MTERF4: variants seen among roughly 807,000 people sequenced by gnomAD.
MTERF4 encodes the protein transcription termination factor 4, mitochondrial.
A neutral mutation model predicts 22.5 loss-of-function variants in MTERF4; 17 were observed. That is an observed-to-expected ratio of 0.75 (90% confidence interval 0.52 to 1.13). MTERF4 has a LOEUF of 1.13. Among genes scored for constraint, MTERF4 ranks in the 50% most tolerant of loss-of-function variants. MTERF4 has a pLI of 0.00. For missense variants in MTERF4, 420 were observed against 466.8 expected, an observed-to-expected ratio of 0.90 and a Z score of 0.92; for synonymous variants, 165 against 175.3, an observed-to-expected ratio of 0.94 and a Z score of 0.47.
At chr2:241,044,960 G>A in the MTERF4 span, among the ~76,000 whole-genome samples, 2 of 152,192 alleles carry the variant, frequency 1.3e-5, no homozygotes, top group African/African-American at 4.8e-5. Flanking sequence ...TGAATCTTGG[G>A]ACAGCAACTC....
chr2:241,049,774 T>TG, the MTERF4 span: 2 of 1,493,928 alleles, frequency 1.3e-6, no homozygotes. Context: ...CCCGCACAGA[T>TG]GCGGCGTAAG....
chr2:241,056,472 G>C, the MTERF4 span, among the ~76,000 whole-genome samples: 1 of 139,794 alleles, frequency 7.2e-6, no homozygotes, highest in South Asian at 2.3e-4. Flanking sequence ...GGATACAACA[G>C]AAGAAAAAAA....
chr2:241,100,458 T>G (rs1447079488), intron 1 of MTERF4, among the ~76,000 whole-genome samples: 2 of 152,120 alleles, frequency 1.3e-5, no homozygotes, highest in Non-Finnish European at 2.9e-5. Context: ...ACATTTTCTC[T>G]TAGGATTTTC....
chr2:241,063,563 C>T, the MTERF4 span: 5 of 1,532,050 alleles, frequency 3.3e-6, no homozygotes, highest in Non-Finnish European at 4.5e-6. Flanking sequence ...CCAGCAACAC[C>T]CTTGACACCC....
At chr2:241,099,081 CTT>C (rs11343341) in intron 2 of MTERF4, 18,134 of 193,476 alleles carry the variant, frequency 0.094, 869 homozygotes, top group African/African-American at 0.19. Flanking sequence ...TATATAAAAT[CTT>C]TTTTTTTTTT....
chr2:241,050,418 C>T, the MTERF4 span, among the ~76,000 whole-genome samples: 4 of 152,128 alleles, frequency 2.6e-5, no homozygotes, highest in Non-Finnish European at 5.9e-5. Context: ...GGACTCCCAT[C>T]AGTCACCCCC....
At chr2:241,055,696 T>G in the MTERF4 span, among the ~76,000 whole-genome samples, 1 of 152,236 alleles carries the variant, frequency 6.6e-6, no homozygotes. Flanking sequence ...AAGCCACAGA[T>G]GCAGAGAGTA....
downstream of MTERF4, chr2:241,089,944 A>C: frequency 6.5e-7 from 1 of 1,540,550 alleles, no homozygotes; most frequent in East Asian, 2.5e-5. Flanking sequence ...GAAAACCTAC[A>C]GTAAAAATAG....
At chr2:241,089,509 A>T, downstream of MTERF4, 1 of 1,403,154 alleles carries the variant, frequency 7.1e-7, no homozygotes, top group Non-Finnish European at 9.6e-7. Flanking sequence ...AGCTCCGCAC[A>T]TGGCAGGAAC....
At chr2:241,049,242 C>A in the MTERF4 span, 1 of 808,380 alleles carries the variant, frequency 1.2e-6, no homozygotes, top group Non-Finnish European at 2.0e-6. Flanking sequence ...TCCCTTCTGA[C>A]TCTCGGGAGA....
the MTERF4 span, chr2:241,052,271 C>A: frequency 7.0e-7 from 1 of 1,435,000 alleles, no homozygotes; most frequent in Non-Finnish European, 9.7e-7. Flanking sequence ...GGAGGTGGAG[C>A]TGGGTGCAGG....
downstream of MTERF4, among the ~76,000 whole-genome samples, chr2:241,068,270 G>A (rs11895527): frequency 6.1e-3 from 919 of 151,832 alleles, 14 homozygotes; most frequent in African/African-American, 0.021. The surrounding 1 kb of genome is among the most constrained non-coding windows in gnomAD (Gnocchi z 5.3). Flanking sequence ...AGAGAGCAGC[G>A]GCCAGCGAGG....
chr2:241,062,523 A>C, the MTERF4 span, among the ~76,000 whole-genome samples: 2 of 152,150 alleles, frequency 1.3e-5, no homozygotes, highest in African/African-American at 4.8e-5. Context: ...GTCGGCCTGA[A>C]CCACTGGAAT....
chr2:241,055,659 G>T, the MTERF4 span, among the ~76,000 whole-genome samples: 1 of 152,210 alleles, frequency 6.6e-6, no homozygotes, highest in African/African-American at 2.4e-5. Context: ...TGCTGCAGGG[G>T]CAAGCACAAT....
downstream of MTERF4, chr2:241,094,019 TACA>T (rs779187602): frequency 5.8e-4 from 159 of 275,540 alleles, 1 homozygote; most frequent in Non-Finnish European, 7.9e-4. The surrounding 1 kb of genome is among the most constrained non-coding windows in gnomAD (Gnocchi z 4.3). Flanking sequence ...TCCGACTGGG[TACA>T]ACAACAGCCT....
the MTERF4 span, chr2:241,049,920 G>C: frequency 3.7e-6 from 6 of 1,613,488 alleles, no homozygotes; most frequent in Non-Finnish European, 5.1e-6. Context: ...TCCACGGCAA[G>C]CACTGCGAGA....
chr2:241,072,262 T>A (rs949458676), exon 5 of MTERF4: 4 of 475,894 alleles, frequency 8.4e-6, no homozygotes, highest in Non-Finnish European at 1.7e-5. Flanking sequence ...AACCCGCCAC[T>A]CCGAGTGTGG....
chr2:241,053,781 C>T, the MTERF4 span, among the ~76,000 whole-genome samples: 1 of 152,134 alleles, frequency 6.6e-6, no homozygotes, highest in Non-Finnish European at 1.5e-5. Context: ...CACTGAGGTC[C>T]CACCCCTGTC....
At chr2:241,051,673 A>T in the MTERF4 span, 1 of 1,225,658 alleles carries the variant, frequency 8.2e-7, no homozygotes, top group Non-Finnish European at 1.1e-6. The surrounding 1 kb of genome is among the most constrained non-coding windows in gnomAD (Gnocchi z 4.7). Context: ...AGGAGATGCC[A>T]GGAGGGTATA....
Sources: allele counts gnomAD v4.1 joint callset (sites outside exome capture counted in the v4.1 genomes callset), GRCh38; gene constraint gnomAD v4.1.1; non-coding constraint Gnocchi (gnomAD v3.1); transcripts MANE v1.5; gene names NCBI Gene and HGNC (gene_info 2026-07-23, HGNC 2026-07-21).